Variants in RHOT1 observed in about 807,000 individuals in gnomAD.
RHOT1 encodes ras homolog family member T1.
In RHOT1, 27 loss-of-function variants were observed where a neutral mutation model predicts 95.3. The ratio of observed to expected loss-of-function variants is 0.28; its 90% confidence interval spans 0.21 to 0.39. RHOT1 has a LOEUF of 0.39. RHOT1 is among the 10% of genes least tolerant of loss of function. The probability of loss-of-function intolerance (pLI) is 1.00; values close to 1 mark genes in which losing one functional copy is unlikely to be tolerated. For synonymous variants in RHOT1, 227 were observed against 263.5 expected, an observed-to-expected ratio of 0.86 and a Z score of 1.34; for missense variants, 578 against 786.7, an observed-to-expected ratio of 0.73 and a Z score of 3.17.
intron 8 of RHOT1, among the ~76,000 whole-genome samples, chr17:32,191,311 G>T (rs974333689): frequency 4.6e-5 from 7 of 152,140 alleles, no homozygotes; most frequent in African/African-American, 1.7e-4. Flanking sequence ...CATGATCAAA[G>T]CTGTCATCAT....
At chr17:32,177,140 C>T (rs1351311708) in intron 6 of RHOT1, among the ~76,000 whole-genome samples, 2 of 152,158 alleles carry the variant, frequency 1.3e-5, no homozygotes, top group Non-Finnish European at 2.9e-5. Context: ...GATGATTTGA[C>T]AAGGTGGAAA....
chr17:32,192,260 T>C lies in RHOT1; in HGVS notation c.600T>C (p.Asn200=). The stretch of plus-strand genomic sequence containing the variant: ...TATTTAAAATATCTGATCAAGATAA[T>C]GATGGTACTCTCAATGATGCTGAAC... ...TRIFKISDQD[N]DGTLNDAELN... Residue 200 remains asparagine, a synonymous_variant, in exon 9 of 20, where the codon AAT becomes AAC. Transcript: ENST00000545287. 1 of 1,589,146 alleles carries C rather than the reference T, an allele frequency of 6.3e-7. No homozygotes were observed. Among genetic ancestry groups the C allele is most frequent in the South Asian group, 1.1e-5 (1 of 87,030 alleles).
chr17:32,216,532 A>G (rs775661209), intron 19 of RHOT1, among the ~76,000 whole-genome samples: 4 of 152,190 alleles, frequency 2.6e-5, no homozygotes, highest in African/African-American at 4.8e-5. Context: ...ACCCAAAAGT[A>G]TGATGGATAG....
chr17:32,181,549 A>G (rs528415667), intron 6 of RHOT1, among the ~76,000 whole-genome samples: 1 of 152,322 alleles, frequency 6.6e-6, no homozygotes, highest in South Asian at 2.1e-4. Context: ...AGAAATTTTT[A>G]AAAATTTGTT....
intron 14 of RHOT1, among the ~76,000 whole-genome samples, chr17:32,201,850 C>T (rs938653956): frequency 2.6e-5 from 4 of 151,878 alleles, no homozygotes; most frequent in Non-Finnish European, 5.9e-5. Context: ...TCACTAGTAT[C>T]TCTGGTGAGG....
chr17:32,199,947 T>G (rs1266445640), intron 13 of RHOT1, among the ~76,000 whole-genome samples: 1 of 149,390 alleles, frequency 6.7e-6, no homozygotes, highest in Non-Finnish European at 1.5e-5. Flanking sequence ...TGAACTCTTT[T>G]TTTTTTTTTT....
intron 2 of RHOT1, 151 bp downstream of exon 2, chr17:32,171,252 A>T (rs2034549579): frequency 1.7e-6 from 1 of 581,134 alleles, no homozygotes; most frequent in East Asian, 3.2e-5. Flanking sequence ...ACAGGGTCTC[A>T]CTCTATTGCC....
chr17:32,194,160 C>T, intron 11 of RHOT1, 53 bp downstream of exon 11: 1 of 1,562,632 alleles, frequency 6.4e-7, no homozygotes, highest in Non-Finnish European at 8.8e-7. Context: ...TTTATTGAGA[C>T]AGGATCTCAC....
intron 1 of RHOT1, among the ~76,000 whole-genome samples, chr17:32,165,352 A>C (rs2033973617): frequency 6.7e-6 from 1 of 150,230 alleles, no homozygotes; most frequent in Non-Finnish European, 1.5e-5. Flanking sequence ...AAAAAAAAAA[A>C]AAAAAAAAAA....
intron 7 of RHOT1, 109 bp downstream of exon 7, chr17:32,182,974 G>A (rs1416888941): frequency 7.3e-6 from 6 of 821,442 alleles, no homozygotes; most frequent in African/African-American, 1.7e-5. Context: ...TGCTATTTGT[G>A]AAGTCACGTA....
chr17:32,154,807 A>G (rs891386158), intron 1 of RHOT1, among the ~76,000 whole-genome samples: 1 of 151,694 alleles, frequency 6.6e-6, no homozygotes, highest in African/African-American at 2.4e-5. Context: ...AGGAAGGATA[A>G]TTGCTTGAAC....
In RHOT1 at chr17:32,205,754, C is replaced by T. The variant is rs548298751; in HGVS notation, c.1417-1156C>T. Among the ~76,000 whole-genome samples, 7 of 152,262 alleles carry T rather than the reference C, an allele frequency of 4.6e-5. No homozygotes were observed. In the South Asian group the frequency reaches 8.3e-4, roughly 18 times the overall value. On this transcript the variant is annotated intron_variant, in intron 16 of 19. Transcript: ENST00000545287. ...TGACCAACGTGGAGAAACCCTGTCC[C>T]GGGCTGGTCTCAAACTCCTGGGCTC...
chr17:32,220,551 G>A (rs966702709), intron 19 of RHOT1, among the ~76,000 whole-genome samples: 3 of 151,894 alleles, frequency 2.0e-5, no homozygotes, highest in African/African-American at 7.3e-5. Context: ...AAGTCTAAAA[G>A]GGGCTGGGCA....
intron 1 of RHOT1, among the ~76,000 whole-genome samples, chr17:32,153,174 A>T (rs569932421): frequency 6.6e-6 from 1 of 152,276 alleles, no homozygotes; most frequent in African/African-American, 2.4e-5. Context: ...AGGGCCTTAG[A>T]GTGGTGGAAC....
chr17:32,171,074 T>C lies in RHOT1; in HGVS notation c.69T>C (p.Ser23=), dbSNP rs1237850869. Residue 23 remains serine (S), a synonymous_variant, in exon 2 of 20, where the codon TCT becomes TCC. Coordinates refer to ENST00000545287, the MANE Select transcript of RHOT1 (RefSeq NM_001033566.3). ...TTGGGAAGACATCACTGATTATGTC[T>C]CTGGTCAGTGAAGAATTTCCAGAAG... The part of the protein sequence containing the change: ...PRVGKTSLIM[S]LVSEEFPEEV... 6.2e-7 allele frequency: 1 copy of C among 1,604,688 alleles called. No individual in the cohort carries two copies. Among genetic ancestry groups the C allele is most frequent in the East Asian group, 2.2e-5 (1 of 44,628 alleles).
chr17:32,210,213 T>C (rs2038032928), intron 18 of RHOT1, among the ~76,000 whole-genome samples: 1 of 152,112 alleles, frequency 6.6e-6, no homozygotes, highest in Non-Finnish European at 1.5e-5. Context: ...TCTGAGTGGG[T>C]TCTGAACCAG....
intron 1 of RHOT1, among the ~76,000 whole-genome samples, chr17:32,165,777 A>G (rs554382998): frequency 5.3e-5 from 8 of 152,338 alleles, no homozygotes; most frequent in Admixed American, 2.0e-4. Context: ...CTGTTAGTCT[A>G]TACTCATATA....
At chr17:32,186,286 G>T (rs1326699844) in intron 8 of RHOT1, among the ~76,000 whole-genome samples, 1 of 151,846 alleles carries the variant, frequency 6.6e-6, no homozygotes, top group Non-Finnish European at 1.5e-5. Context: ...GATGGCTAAT[G>T]ATGTTGTGTA....
chr17:32,201,824 G>A (rs1211908715), intron 14 of RHOT1, among the ~76,000 whole-genome samples: 3 of 151,598 alleles, frequency 2.0e-5, no homozygotes, highest in African/African-American at 2.4e-5. Context: ...TATCATTTTC[G>A]GTTTTTTTTC....
Sources: allele counts gnomAD v4.1 joint callset (sites outside exome capture counted in the v4.1 genomes callset), GRCh38; gene constraint gnomAD v4.1.1; transcripts MANE v1.5; gene names NCBI Gene and HGNC (gene_info 2026-07-23, HGNC 2026-07-21).